ROBO1: variants seen among roughly 807,000 people sequenced by gnomAD.
ROBO1 encodes the protein roundabout guidance receptor 1, also known as roundabout homolog 1.
In ROBO1, 149 loss-of-function variants were observed where a neutral mutation model predicts 195.9. The ratio of observed to expected loss-of-function variants is 0.76; its 90% CI spans 0.67 to 0.87. The LOEUF is 0.87. ROBO1 is among the 40% of genes least tolerant of loss of function. ROBO1 has a pLI of 0.00. For missense variants in ROBO1, 1,933 were observed against 2,068.3 expected (o/e 0.93, Z 1.27); for synonymous variants, 816 against 733.2 (o/e 1.11, Z -1.82).
chr3:79,298,335 C>CA (rs1442806448), intron 2 of ROBO1, among the ~76,000 whole-genome samples: 1 of 148,884 alleles, frequency 6.7e-6, no homozygotes, highest in Non-Finnish European at 1.5e-5. Flanking sequence ...CTCTTTACTG[C>CA]ATTTTTTTTT....
At chr3:79,693,405 G>A (rs1359801432) in intron 1 of ROBO1, among the ~76,000 whole-genome samples, 1 of 150,278 alleles carries the variant, frequency 6.7e-6, no homozygotes, top group African/African-American at 2.5e-5. Flanking sequence ...GTGTGTGTGT[G>A]TGTGTGTGTG....
intron 2 of ROBO1, among the ~76,000 whole-genome samples, chr3:79,354,645 T>C (rs2035473587): frequency 1.3e-5 from 2 of 152,154 alleles, no homozygotes; most frequent in Admixed American, 1.3e-4. Context: ...CAACCTTTTA[T>C]AGATTTGTCT....
chr3:79,154,491 T>C (rs1310160791), intron 2 of ROBO1, among the ~76,000 whole-genome samples: 1 of 151,782 alleles, frequency 6.6e-6, no homozygotes, highest in Non-Finnish European at 1.5e-5. Flanking sequence ...CATAGTCACT[T>C]GAGACTGATC....
At chr3:79,634,723 C>A (rs1476680918) in intron 1 of ROBO1, among the ~76,000 whole-genome samples, 2 of 151,978 alleles carry the variant, frequency 1.3e-5, no homozygotes, top group Admixed American at 6.6e-5. Context: ...AAATTATAAA[C>A]AGGTTGAAAA....
intron 1 of ROBO1, among the ~76,000 whole-genome samples, chr3:79,688,675 A>G (rs1164511181): frequency 6.6e-6 from 1 of 152,080 alleles, no homozygotes; most frequent in African/African-American, 2.4e-5. Flanking sequence ...ACAATTTATA[A>G]GAACTAGAAT....
intron 2 of ROBO1, among the ~76,000 whole-genome samples, chr3:79,563,858 T>A (rs1943005479): frequency 1.3e-5 from 2 of 152,194 alleles, no homozygotes; most frequent in South Asian, 4.1e-4. Flanking sequence ...TTACTTAAAA[T>A]ATTTCTATTT....
chr3:79,694,315 G>T (rs1947379780), intron 1 of ROBO1, among the ~76,000 whole-genome samples: 1 of 151,728 alleles, frequency 6.6e-6, no homozygotes, highest in African/African-American at 2.4e-5. Context: ...AAAAAAAATG[G>T]CCTATTTACT....
At chr3:79,470,166 T>C (rs2107314344) in intron 2 of ROBO1, among the ~76,000 whole-genome samples, 2 of 152,276 alleles carry the variant, frequency 1.3e-5, no homozygotes, top group East Asian at 3.9e-4. Flanking sequence ...AACCCAAATG[T>C]CCATCTATTA....
chr3:78,825,042 C>T (rs1023203594), intron 4 of ROBO1, among the ~76,000 whole-genome samples: 3 of 152,082 alleles, frequency 2.0e-5, no homozygotes, highest in African/African-American at 7.2e-5. Flanking sequence ...CTATAAAACT[C>T]AATTTAAATC....
intron 4 of ROBO1, among the ~76,000 whole-genome samples, chr3:78,872,024 C>T (rs534252276): frequency 1.2e-4 from 18 of 152,106 alleles, no homozygotes; most frequent in South Asian, 2.1e-4. Context: ...GCTATGTTAT[C>T]GACAATATGA....
chr3:78,704,951 CT>C (rs2081514998), intron 8 of ROBO1, among the ~76,000 whole-genome samples: 1 of 152,140 alleles, frequency 6.6e-6, no homozygotes, highest in South Asian at 2.1e-4. Flanking sequence ...ATGCACATTT[CT>C]TTTTGTGGAT....
At chr3:78,924,837 A>ATTAAATATTTAGAGTC (rs901428328) in intron 4 of ROBO1, among the ~76,000 whole-genome samples, 2 of 152,144 alleles carry the variant, frequency 1.3e-5, no homozygotes, top group Non-Finnish European at 2.9e-5. Flanking sequence ...TCCAAAAATA[A>ATTAAATATTTAGAGTC]TTAAATATTT....
intron 2 of ROBO1, among the ~76,000 whole-genome samples, chr3:79,458,280 C>G (rs1295982553): frequency 6.6e-6 from 1 of 152,140 alleles, no homozygotes; most frequent in Non-Finnish European, 1.5e-5. Context: ...GACCTCACAA[C>G]AAGAACTCAG....
chr3:78,651,731 C>A lies in ROBO1; in HGVS notation c.2812+1G>T. On this transcript the variant is annotated splice_donor_variant, in intron 19 of 30. Coordinates refer to ENST00000464233, the MANE Select transcript of ROBO1 (RefSeq NM_002941.4). LOFTEE classifies it high-confidence loss of function. ...TATGAAAACCTTGGGAAAGCTAATA[C>A]CTTTTCTGATACCCGCGTAGGTACT... The A allele has an allele frequency of 6.3e-7, 1 of 1,581,124 alleles. No individual in the cohort carries two copies. Among genetic ancestry groups the A allele is most frequent in the Non-Finnish European group, 8.6e-7 (1 of 1,164,934 alleles).
In ROBO1 at chr3:79,186,644, G is replaced by A. The variant is rs138866949; in HGVS notation, c.89-61105C>T. 5.3e-5 allele frequency among the ~76,000 whole-genome samples: 8 copies of A among 152,182 alleles called. No individual in the cohort carries two copies. In the East Asian group the frequency reaches 9.7e-4, roughly 18 times the overall value. ...AGACTCTTTCACCCTTCTTGTAAGTGAGGTATGACCATGTGGTTCACTTTC... is the reference window on the plus strand; with the variant it reads ...AGACTCTTTCACCCTTCTTGTAAGTAAGGTATGACCATGTGGTTCACTTTC... On this transcript the variant is annotated intron_variant, in intron 2 of 30. Transcript: ENST00000464233.
intron 1 of ROBO1, among the ~76,000 whole-genome samples, chr3:79,672,977 A>T (rs1281727397): frequency 6.6e-6 from 1 of 151,938 alleles, no homozygotes; most frequent in East Asian, 1.9e-4. Context: ...TCCTCTCAAG[A>T]GCGAGCAATG....
At chr3:79,754,668 T>C (rs1003127996) in intron 1 of ROBO1, among the ~76,000 whole-genome samples, 3 of 152,188 alleles carry the variant, frequency 2.0e-5, no homozygotes, top group African/African-American at 7.2e-5. Context: ...ATAAAGTGCC[T>C]GGACCGCAGA....
In ROBO1 at chr3:79,568,291, G is replaced by A. The variant is rs143511040; in HGVS notation, c.88+21533C>T. 1.6e-3 allele frequency among the ~76,000 whole-genome samples: 236 copies of A among 152,156 alleles called. 2 individuals carry two copies. The highest frequency in any genetic ancestry group is 2.8e-3 in the Non-Finnish European group (189 of 67,992). On this transcript the variant is annotated intron_variant, in intron 2 of 30. Transcript: ENST00000464233. Reference sequence around the variant, plus strand: ...CAGCAAAGTTGAAACCGTCTATAGAGTACCCTTATAAAGGGGCAAAAGGAA... The same window carrying A: ...CAGCAAAGTTGAAACCGTCTATAGAATACCCTTATAAAGGGGCAAAAGGAA...
chr3:79,276,425 A>G (rs2031040196), intron 2 of ROBO1, among the ~76,000 whole-genome samples: 1 of 152,066 alleles, frequency 6.6e-6, no homozygotes, highest in African/African-American at 2.4e-5. Context: ...ATGCAGAAGA[A>G]TGAAACTAAA....
Sources: gnomAD v4.1 joint callset for allele counts (sites outside exome capture counted in the v4.1 genomes callset) on GRCh38, gnomAD v4.1.1 for gene constraint, MANE v1.5 for transcripts, NCBI Gene and HGNC (gene_info 2026-07-23, HGNC 2026-07-21) for gene names.